HOMER1: variants seen among roughly 807,000 people sequenced by gnomAD.
HOMER1 encodes homer scaffold protein 1, also known as homer protein homolog 1.
In HOMER1, 3 loss-of-function variants were observed where a neutral mutation model predicts 48.9. The ratio of observed to expected loss-of-function variants is 0.06; its 90% CI spans 0.03 to 0.16. The LOEUF (loss-of-function observed/expected upper bound fraction) is 0.16, where lower values mean the gene tolerates loss of function less well. HOMER1 is among the 10% of genes least tolerant of loss of function. The pLI is 1.00. For synonymous variants in HOMER1, 134 were observed against 146.4 expected (o/e 0.92, Z 0.61); for missense variants, 247 against 411.4 (o/e 0.60, Z 3.46).
intron 2 of HOMER1, among the ~76,000 whole-genome samples, chr5:79,451,723 G>A (rs901758210): frequency 1.3e-5 from 2 of 151,460 alleles, no homozygotes; most frequent in African/African-American, 4.9e-5. Context: ...CCACTACCAC[G>A]CCCTACTAAC....
intron 1 of HOMER1, among the ~76,000 whole-genome samples, chr5:79,470,758 TAA>T (rs1431695541): frequency 2.6e-5 from 4 of 152,154 alleles, no homozygotes; most frequent in Admixed American, 2.0e-4. Flanking sequence ...TATAAATTAG[TAA>T]AGTCTTTCTG....
chr5:79,385,989 C>T (rs1035846124), intron 8 of HOMER1, among the ~76,000 whole-genome samples: 6 of 151,116 alleles, frequency 4.0e-5, no homozygotes, highest in African/African-American at 1.2e-4. Context: ...GAGGATATAG[C>T]GAAAAGGGCA....
intron 1 of HOMER1, among the ~76,000 whole-genome samples, chr5:79,506,074 T>C (rs947162664): frequency 1.3e-5 from 2 of 152,008 alleles, no homozygotes; most frequent in Non-Finnish European, 2.9e-5. Context: ...AAATTGTACT[T>C]ACCAGAGAAG....
chr5:79,474,671 T>A (rs1010632188), intron 1 of HOMER1, among the ~76,000 whole-genome samples: 2 of 152,216 alleles, frequency 1.3e-5, no homozygotes, highest in African/African-American at 4.8e-5. Flanking sequence ...CATCTCAGGT[T>A]CCTGCTACAT....
intron 6 of HOMER1, among the ~76,000 whole-genome samples, chr5:79,398,151 T>C (rs1482331435): frequency 6.6e-6 from 1 of 152,176 alleles, no homozygotes; most frequent in Non-Finnish European, 1.5e-5. Context: ...ACGGGTAAGA[T>C]AAAATTTTGT....
chr5:79,432,952 G>A (rs1750464666), intron 5 of HOMER1, among the ~76,000 whole-genome samples: 2 of 152,120 alleles, frequency 1.3e-5, no homozygotes, highest in African/African-American at 4.8e-5. Flanking sequence ...TTTGATAGTG[G>A]AGGAATAATG....
chr5:79,389,830 A>G (rs937707862), intron 8 of HOMER1, among the ~76,000 whole-genome samples: 1 of 152,250 alleles, frequency 6.6e-6, no homozygotes, highest in African/African-American at 2.4e-5. Context: ...TATAAAGACT[A>G]AAACAAATGT....
intron 5 of HOMER1, among the ~76,000 whole-genome samples, chr5:79,430,838 G>C (rs983006462): frequency 1.5e-4 from 21 of 138,882 alleles, no homozygotes; most frequent in Admixed American, 2.4e-4. Flanking sequence ...TCGGGAAGCT[G>C]AGGCAGGAGA....
rs762401859 is a variant in HOMER1, at chr5:79,512,764, C to T, written c.5+6G>A. 1 of 1,613,384 alleles carries T rather than the reference C, an allele frequency of 6.2e-7. No individual in the cohort carries two copies. The highest frequency in any genetic ancestry group is 8.5e-7 in the Non-Finnish European group (1 of 1,179,504). ...TCGAAGCTGTGTTAAGCACAAAAATCCTTACCCCATTTTGCCCAATGAAAA... is the reference window on the plus strand; with the variant it reads ...TCGAAGCTGTGTTAAGCACAAAAATTCTTACCCCATTTTGCCCAATGAAAA... On this transcript the variant is annotated splice_donor_region_variant and intron_variant, in intron 1 of 8. Transcript: ENST00000334082.
intron 1 of HOMER1, among the ~76,000 whole-genome samples, chr5:79,503,440 G>A (rs1474369975): frequency 6.7e-6 from 1 of 148,210 alleles, no homozygotes; most frequent in African/African-American, 2.5e-5. Flanking sequence ...TGAGACAAGA[G>A]AATCACTTGA....
intron 3 of HOMER1, among the ~76,000 whole-genome samples, chr5:79,450,520 A>G (rs1751000734): frequency 6.6e-6 from 1 of 152,172 alleles, no homozygotes. Context: ...ACTGCATCAG[A>G]GCTCGGAGTA....
In HOMER1 at chr5:79,513,888, C is replaced by A. The variant is rs566448755; in HGVS notation, c.-1114G>T. The A allele has an allele frequency of 6.4e-6, 1 of 155,272 alleles. No individual in the cohort carries two copies. Among genetic ancestry groups the A allele is most frequent in the South Asian group, 1.7e-4 (1 of 5,728 alleles). The allele number at this position is 155,272 out of a possible 1,614,324, so 9.6% of individuals were successfully genotyped here. ...GCAGCCGCCGCTCCAGCGCCCCCAC[C>A]CCTACTCCTCGTCTCTCACGCTCCG... On this transcript the variant is annotated 5_prime_UTR_variant, in exon 1 of 9. Coordinates refer to ENST00000334082, the MANE Select transcript of HOMER1 (RefSeq NM_004272.5).
chr5:79,467,014 T>A (rs1256941862), intron 1 of HOMER1, among the ~76,000 whole-genome samples: 1 of 152,034 alleles, frequency 6.6e-6, no homozygotes, highest in African/African-American at 2.4e-5. Context: ...ATGGTCTCGA[T>A]CTCTTGATCT....
rs191243800 is a variant in HOMER1, at chr5:79,476,546, C to A, written c.6-19528G>T. Among the ~76,000 whole-genome samples the A allele has an allele frequency of 3.9e-5, 6 of 152,258 alleles. No homozygotes were observed. In the East Asian group the frequency reaches 1.2e-3, roughly 29 times the overall value. The stretch of plus-strand genomic sequence containing the variant: ...CTGGCTTTGAGTTGGGGTTCTACTG[C>A]CCTCTCTTTGAGTTCGATTAATTTG... On this transcript the variant is annotated intron_variant, in intron 1 of 8. Coordinates refer to ENST00000334082, the MANE Select transcript of HOMER1 (RefSeq NM_004272.5).
chr5:79,481,255 A>G (rs1235779572), intron 1 of HOMER1, among the ~76,000 whole-genome samples: 1 of 152,254 alleles, frequency 6.6e-6, no homozygotes, highest in African/African-American at 2.4e-5. Flanking sequence ...GTCTACCCCC[A>G]GACATTTATG....
At chr5:79,452,708 G>A (rs1168476672) in intron 2 of HOMER1, among the ~76,000 whole-genome samples, 2 of 151,984 alleles carry the variant, frequency 1.3e-5, no homozygotes, top group African/African-American at 4.8e-5. Flanking sequence ...CAGTAAAACA[G>A]AGTGGTCCCT....
At chr5:79,502,500 T>C (rs1752624219) in intron 1 of HOMER1, among the ~76,000 whole-genome samples, 2 of 152,182 alleles carry the variant, frequency 1.3e-5, no homozygotes, top group Admixed American at 6.5e-5. Context: ...TTTACAATCT[T>C]ACCTCCCAGA....
chr5:79,497,397 C>A (rs915923294), intron 1 of HOMER1, among the ~76,000 whole-genome samples: 3 of 151,870 alleles, frequency 2.0e-5, no homozygotes, highest in Non-Finnish European at 4.4e-5. Flanking sequence ...TGCCTGTAAT[C>A]CCAGCACTTT....
intron 4 of HOMER1, among the ~76,000 whole-genome samples, chr5:79,444,281 G>T (rs1192780802): frequency 6.6e-6 from 1 of 152,110 alleles, no homozygotes; most frequent in Non-Finnish European, 1.5e-5. Context: ...GTAGCTCACT[G>T]CAGCCTCAAA....
Sources: allele counts gnomAD v4.1 joint callset (sites outside exome capture counted in the v4.1 genomes callset), GRCh38; gene constraint gnomAD v4.1.1; transcripts MANE v1.5; gene names NCBI Gene and HGNC (gene_info 2026-07-23, HGNC 2026-07-21).